Variants in CCSER1 observed in about 807,000 individuals in gnomAD.
CCSER1 encodes serine-rich coiled-coil domain-containing protein 1.
CCSER1 carries 41 observed loss-of-function variants against 82.0 expected under a neutral mutation model. That is an observed-to-expected ratio of 0.50 (90% CI 0.39 to 0.65). The LOEUF (loss-of-function observed/expected upper bound fraction) is 0.65, where lower values mean the gene tolerates loss of function less well. Ranked by LOEUF, CCSER1 falls within the 30% of genes least tolerant of loss-of-function variation. The probability of loss-of-function intolerance (pLI) is 0.00; values close to 1 mark genes in which losing one functional copy is unlikely to be tolerated. For synonymous variants in CCSER1, 414 were observed against 383.9 expected (o/e 1.08, Z -0.92); for missense variants, 1,119 against 1,064.2 (o/e 1.05, Z -0.72).
chr4:91,594,432 T>C (rs549572533), intron 10 of CCSER1, among the ~76,000 whole-genome samples: 63 of 148,330 alleles, frequency 4.2e-4, no homozygotes, highest in African/African-American at 1.4e-3. Flanking sequence ...CATATATACA[T>C]ATACACACAT....
At chr4:90,619,710 A>C (rs770671503) in intron 5 of CCSER1, among the ~76,000 whole-genome samples, 1 of 152,136 alleles carries the variant, frequency 6.6e-6, no homozygotes, top group South Asian at 2.1e-4. Context: ...ATAATTAATT[A>C]GAAAATGAGA....
intron 10 of CCSER1, among the ~76,000 whole-genome samples, chr4:91,302,897 T>C (rs1459592876): frequency 6.6e-6 from 1 of 152,010 alleles, no homozygotes; most frequent in Non-Finnish European, 1.5e-5. Context: ...AATTATGTTA[T>C]TAAATTATCT....
intron 10 of CCSER1, among the ~76,000 whole-genome samples, chr4:91,465,135 C>T (rs967759554): frequency 1.3e-5 from 2 of 152,154 alleles, no homozygotes; most frequent in African/African-American, 4.8e-5. Context: ...TGGAAAAGAA[C>T]AGAAATTATA....
chr4:90,173,000 A>T (rs1185849810), intron 1 of CCSER1, among the ~76,000 whole-genome samples: 1 of 151,814 alleles, frequency 6.6e-6, no homozygotes, highest in Admixed American at 6.6e-5. Flanking sequence ...AGTATCAATT[A>T]CAGATAGATA....
intron 4 of CCSER1, among the ~76,000 whole-genome samples, chr4:90,424,426 G>A (rs1439623697): frequency 6.6e-6 from 1 of 152,072 alleles, no homozygotes; most frequent in African/African-American, 2.4e-5. Flanking sequence ...GGTAAAATAT[G>A]TATCATCCTC....
chr4:90,358,982 G>T (rs1158721970), intron 3 of CCSER1, among the ~76,000 whole-genome samples: 2 of 152,154 alleles, frequency 1.3e-5, no homozygotes, highest in African/African-American at 2.4e-5. Context: ...TTCATGAAAA[G>T]ATACTTTTAA....
chr4:90,472,151 T>C lies in CCSER1; in HGVS notation c.1724+3797T>C, dbSNP rs150523996. ...TCTTCACATATAAATTCATAAATCA[T>C]TGAGTCTTTGAAATATAGGATTCAT... is the stretch of plus-strand genomic sequence containing the variant. On this transcript the variant is annotated intron_variant, in intron 5 of 10. Transcript: ENST00000509176. 3.2e-4 allele frequency among the ~76,000 whole-genome samples: 48 copies of C among 152,294 alleles called. 1 individual carries two copies. In the East Asian group the frequency reaches 9.3e-3, roughly 29 times the overall value.
At chr4:90,216,298 G>C (rs1741016891) in intron 1 of CCSER1, among the ~76,000 whole-genome samples, 1 of 152,222 alleles carries the variant, frequency 6.6e-6, no homozygotes, top group Admixed American at 6.5e-5. Flanking sequence ...CTAGTTGCCA[G>C]ATGTTTTGCT....
At chr4:91,193,391 A>G (rs1010357657) in intron 10 of CCSER1, among the ~76,000 whole-genome samples, 2 of 152,212 alleles carry the variant, frequency 1.3e-5, no homozygotes, top group African/African-American at 4.8e-5. Flanking sequence ...AATATTGTGA[A>G]CATCATAAAG....
chr4:90,481,232 C>A (rs1277266331), intron 5 of CCSER1, among the ~76,000 whole-genome samples: 3 of 152,200 alleles, frequency 2.0e-5, no homozygotes. Context: ...TATCCTGAGA[C>A]TTTGCTGAAG....
At chr4:91,374,365 G>A (rs1750253517) in intron 10 of CCSER1, among the ~76,000 whole-genome samples, 1 of 152,122 alleles carries the variant, frequency 6.6e-6, no homozygotes, top group African/African-American at 2.4e-5. Flanking sequence ...ATACATTGAA[G>A]CAAATGTCCA....
intron 8 of CCSER1, among the ~76,000 whole-genome samples, chr4:90,887,647 G>T (rs1722332967): frequency 6.6e-6 from 1 of 152,158 alleles, no homozygotes; most frequent in African/African-American, 2.4e-5. Context: ...ACTTTGGGAG[G>T]CCAAGGCAGG....
intron 8 of CCSER1, among the ~76,000 whole-genome samples, chr4:90,862,612 A>C (rs2149992674): frequency 6.6e-6 from 1 of 152,076 alleles, no homozygotes; most frequent in East Asian, 1.9e-4. Flanking sequence ...TGGCAGCTTC[A>C]CATTAGTCCA....
chr4:90,408,000 C>A (rs1405058091), intron 4 of CCSER1, among the ~76,000 whole-genome samples: 3 of 152,210 alleles, frequency 2.0e-5, no homozygotes, highest in Admixed American at 6.5e-5. Flanking sequence ...CCGCGCATGG[C>A]TCAGAGGGTC....
At chr4:90,873,687 G>A (rs778233647) in intron 8 of CCSER1, among the ~76,000 whole-genome samples, 2 of 151,994 alleles carry the variant, frequency 1.3e-5, no homozygotes, top group Non-Finnish European at 2.9e-5. Flanking sequence ...AGTGTCTAAG[G>A]AAATATACAT....
At chr4:91,521,894 A>G (rs1760492205) in intron 10 of CCSER1, among the ~76,000 whole-genome samples, 1 of 152,088 alleles carries the variant, frequency 6.6e-6, no homozygotes, top group African/African-American at 2.4e-5. Flanking sequence ...ATTAGATCTC[A>G]TTTGTTAATT....
At chr4:90,414,812 G>GT (rs1755550901) in intron 4 of CCSER1, among the ~76,000 whole-genome samples, 1 of 152,092 alleles carries the variant, frequency 6.6e-6, no homozygotes, top group African/African-American at 2.4e-5. Flanking sequence ...TCACAGTGAA[G>GT]TATATGTTAT....
At chr4:91,097,499 G>GA (rs1329050351) in intron 10 of CCSER1, among the ~76,000 whole-genome samples, 6 of 151,936 alleles carry the variant, frequency 3.9e-5, no homozygotes, top group Admixed American at 6.6e-5. Context: ...CTGAAATTCT[G>GA]AAAAAAGGTT....
Position 90,186,935 on chromosome 4 carries a change from T to C in CCSER1, c.-42+59104T>C, listed in dbSNP as rs545706597. ...AGCATCTACCCTTTCTTGGTATCTT[T>C]TTCTGCATCGTTTTTCCCTTTCATC... is the stretch of plus-strand genomic sequence containing the variant. On this transcript the variant is annotated intron_variant, in intron 1 of 10. Coordinates refer to ENST00000509176, the MANE Select transcript of CCSER1 (RefSeq NM_001145065.2). 9.9e-4 allele frequency among the ~76,000 whole-genome samples: 151 copies of C among 152,122 alleles called. 2 individuals carry two copies. Among genetic ancestry groups the C allele is most frequent in the East Asian group, 2.7e-3 (14 of 5,168 alleles).
Sources: gnomAD v4.1 joint callset for allele counts (sites outside exome capture counted in the v4.1 genomes callset) on GRCh38, gnomAD v4.1.1 for gene constraint, MANE v1.5 for transcripts, NCBI Gene and HGNC (gene_info 2026-07-23, HGNC 2026-07-21) for gene names.